Variants in UMAD1 observed in about 807,000 individuals in gnomAD.
The protein encoded by UMAD1 is UBAP1-MVB12-associated (UMA) domain containing 1, also known as UBAP1-MVB12-associated (UMA)-domain containing protein 1.
A neutral mutation model predicts 6.1 loss-of-function variants in UMAD1; 8 were observed. The ratio of observed to expected loss-of-function variants is 1.30; its 90% confidence interval spans 0.76 to 2.35. The LOEUF is 2.35. UMAD1 is among the 30% of genes most tolerant of loss of function. UMAD1 has a pLI of 0.00. For synonymous variants in UMAD1, 56 were observed against 31.4 expected (o/e 1.78, Z -2.61); for missense variants, 130 against 78.4 (o/e 1.66, Z -2.49).
chr7:7,660,333 A>T (rs1212016246), intron 1 of UMAD1, among the ~76,000 whole-genome samples: 1 of 152,176 alleles, frequency 6.6e-6, no homozygotes, highest in East Asian at 1.9e-4. Context: ...TGTGAATTTG[A>T]TCCTGCCATT....
intron 3 of UMAD1, among the ~76,000 whole-genome samples, chr7:7,844,053 G>A (rs541771712): frequency 1.3e-5 from 2 of 152,290 alleles, no homozygotes; most frequent in Non-Finnish European, 2.9e-5. Flanking sequence ...TTTGCGTAAT[G>A]CCTGAATACT....
rs78471930 is a variant in UMAD1, at chr7:7,836,143, A to G, written c.156+34400A>G. Among the ~76,000 whole-genome samples, 1,475 of 152,170 alleles carry G rather than the reference A, an allele frequency of 9.7e-3. 29 individuals carry two copies. The highest frequency in any genetic ancestry group is 0.034 in the African/African-American group (1,402 of 41,560). ...AGCTACAATAATTATACCGACTTCCATATTTAACAGCTTTTAATGCTTACT... is the reference window on the plus strand; with the variant it reads ...AGCTACAATAATTATACCGACTTCCGTATTTAACAGCTTTTAATGCTTACT... On this transcript the variant is annotated intron_variant, in intron 3 of 3. Coordinates refer to ENST00000682710, the MANE Select transcript of UMAD1 (RefSeq NM_001302348.2).
At chr7:7,778,319 G>A (rs1471626797) in intron 2 of UMAD1, among the ~76,000 whole-genome samples, 1 of 147,828 alleles carries the variant, frequency 6.8e-6, no homozygotes. Context: ...CGTAAATATG[G>A]CAAAGTTTAA....
chr7:7,703,328 A>G lies in UMAD1; in HGVS notation c.82+29875A>G, dbSNP rs531811084. 2.4e-4 allele frequency among the ~76,000 whole-genome samples: 37 copies of G among 152,256 alleles called. 1 individual carries two copies. The South Asian group carries it at 6.6e-3, about 27-fold the overall frequency. On this transcript the variant is annotated intron_variant, in intron 2 of 3. Transcript: ENST00000682710. ...TCATTTAAGGTTGCAGTTTAAATTG[A>G]TCTTTTATCAAAATTTAGACTGAAG...
chr7:7,751,315 G>C (rs1219054565), intron 2 of UMAD1, among the ~76,000 whole-genome samples: 1 of 152,150 alleles, frequency 6.6e-6, no homozygotes, highest in South Asian at 2.1e-4. Context: ...TGTTAAAATA[G>C]GGCTAAAGTT....
intron 2 of UMAD1, among the ~76,000 whole-genome samples, chr7:7,786,531 G>A (rs1290399634): frequency 6.6e-6 from 1 of 152,140 alleles, no homozygotes. Context: ...CAGATCAGCT[G>A]ATGGTTTACA....
At chr7:7,657,578 C>G (rs1785373191) in intron 1 of UMAD1, among the ~76,000 whole-genome samples, 1 of 152,090 alleles carries the variant, frequency 6.6e-6, no homozygotes, top group African/African-American at 2.4e-5. Context: ...GAGTCCCTTC[C>G]CCATGCTTGT....
intron 2 of UMAD1, among the ~76,000 whole-genome samples, chr7:7,737,164 A>C (rs954000176): frequency 6.6e-6 from 1 of 152,250 alleles, no homozygotes; most frequent in Non-Finnish European, 1.5e-5. Context: ...ATTGAGGGGA[A>C]AACCCCATTG....
intron 2 of UMAD1, among the ~76,000 whole-genome samples, chr7:7,678,787 A>G (rs867800164): frequency 0.019 from 494 of 26,158 alleles, 2 homozygotes; most frequent in East Asian, 0.044. Context: ...ATATATTTAT[A>G]TATTTAGTTT....
intron 2 of UMAD1, among the ~76,000 whole-genome samples, chr7:7,794,327 GATGGAGACCAA>G (rs1205449012): frequency 2.0e-5 from 3 of 152,160 alleles, no homozygotes; most frequent in African/African-American, 7.2e-5. Context: ...AAAAGGAACA[GATGGAGACCAA>G]ACTCTCATCT....
chr7:7,688,959 T>C (rs898819310), intron 2 of UMAD1, among the ~76,000 whole-genome samples: 5 of 152,324 alleles, frequency 3.3e-5, no homozygotes, highest in Non-Finnish European at 7.4e-5. Flanking sequence ...ATTTAAATTA[T>C]ACTTACTTTA....
intron 2 of UMAD1, among the ~76,000 whole-genome samples, chr7:7,773,078 T>G (rs968290194): frequency 5.9e-5 from 9 of 152,138 alleles, no homozygotes; most frequent in Non-Finnish European, 1.3e-4. Flanking sequence ...TTGTAACAAG[T>G]GCAAACTAAA....
intron 2 of UMAD1, chr7:7,685,781 T>A (rs566164565): frequency 3.3e-5 from 5 of 152,320 alleles, no homozygotes; most frequent in Admixed American, 3.3e-4. Context: ...AAGAAAAAAA[T>A]TTAAGTGTTT....
At chr7:7,722,061 T>G (rs142671452) in intron 2 of UMAD1, among the ~76,000 whole-genome samples, 1,996 of 152,120 alleles carry the variant, frequency 0.013, 34 homozygotes, top group African/African-American at 0.037. Flanking sequence ...CTTTGGGACT[T>G]GGACTGGCTT....
chr7:7,783,468 C>T lies in UMAD1; in HGVS notation c.83-18202C>T, dbSNP rs1393575168. Among the ~76,000 whole-genome samples, 6 of 151,084 alleles carry T rather than the reference C, an allele frequency of 4.0e-5. No individual in the cohort carries two copies. The South Asian group carries it at 1.0e-3, about 26-fold the overall frequency. On this transcript the variant is annotated intron_variant, in intron 2 of 3. Transcript: ENST00000682710. ...GTGTCTTTGGGTGTTTGCTGAGCTACGAGGCTGGGAAGTGAGAATCAGAAT... is the reference window on the plus strand; with the variant it reads ...GTGTCTTTGGGTGTTTGCTGAGCTATGAGGCTGGGAAGTGAGAATCAGAAT...
intron 2 of UMAD1, among the ~76,000 whole-genome samples, chr7:7,748,491 C>T (rs1781616604): frequency 6.6e-6 from 1 of 151,990 alleles, no homozygotes; most frequent in African/African-American, 2.4e-5. Context: ...ATAAATTAAT[C>T]AATGTCTCAT....
At chr7:7,864,752 G>C (rs1428178191) in intron 3 of UMAD1, among the ~76,000 whole-genome samples, 1 of 151,698 alleles carries the variant, frequency 6.6e-6, no homozygotes, top group Non-Finnish European at 1.5e-5. Context: ...GATGGCTCTT[G>C]GTGGTTTCTA....
intron 2 of UMAD1, chr7:7,718,743 G>A (rs1780982234): frequency 6.6e-6 from 1 of 152,114 alleles, no homozygotes; most frequent in East Asian, 1.9e-4. Flanking sequence ...CAGTTAAAAA[G>A]ACCTGCATGA....
At chr7:7,752,563 A>G (rs1488343747) in intron 2 of UMAD1, among the ~76,000 whole-genome samples, 1 of 152,054 alleles carries the variant, frequency 6.6e-6, no homozygotes, top group Non-Finnish European at 1.5e-5. Flanking sequence ...GATCCTAAAA[A>G]CCCGACATGA....
Sources: gnomAD v4.1 joint callset for allele counts (sites outside exome capture counted in the v4.1 genomes callset) on GRCh38, gnomAD v4.1.1 for gene constraint, MANE v1.5 for transcripts, NCBI Gene and HGNC (gene_info 2026-07-23, HGNC 2026-07-21) for gene names.